The following TNC variants were observed in gnomAD, a reference collection of about 807,000 sequenced individuals.
TNC encodes tenascin.
In TNC, 109 loss-of-function variants were observed where a neutral mutation model predicts 202.4. That is an observed-to-expected ratio of 0.54 (90% CI 0.46 to 0.63). The LOEUF (loss-of-function observed/expected upper bound fraction) is 0.63, where lower values mean the gene tolerates loss of function less well. Among genes scored for constraint, TNC ranks in the 30% least tolerant of loss-of-function variants. The probability of loss-of-function intolerance (pLI) is 0.00; values close to 1 mark genes in which losing one functional copy is unlikely to be tolerated. For missense variants in TNC, 2,756 were observed against 2,833.3 expected, an observed-to-expected ratio of 0.97 and a Z score of 0.62; for synonymous variants, 1,007 against 1,089.7, an observed-to-expected ratio of 0.92 and a Z score of 1.50.
Position 115,063,044 on chromosome 9 carries a change from G to A in TNC, c.3906C>T (p.Leu1302=). ...TGGAACGCAGGCTGCCAGGAACCGT[G>A]AGATTGTGAGCCTCTTCCACCTGGT... The part of the protein sequence containing the change: ...EADQVEEAHN[L]TVPGSLRSME... The change falls in exon 13 of 28, where the codon CTC becomes CTT. Residue 1302 remains leucine (L), a synonymous_variant. Transcript: ENST00000350763. The A allele has an allele frequency of 6.2e-7, 1 of 1,614,150 alleles. No homozygotes were observed. Among genetic ancestry groups the A allele is most frequent in the Non-Finnish European group, 8.5e-7 (1 of 1,180,038 alleles).
intron 1 of TNC, among the ~76,000 whole-genome samples, chr9:115,108,335 G>A (rs943594923): frequency 1.3e-5 from 2 of 152,184 alleles, no homozygotes; most frequent in Non-Finnish European, 2.9e-5. Context: ...CTGGGCTAAC[G>A]AAAGTTGAAC....
intron 19 of TNC, among the ~76,000 whole-genome samples, chr9:115,039,492 T>C (rs913050416): frequency 3.9e-5 from 6 of 152,240 alleles, no homozygotes; most frequent in African/African-American, 1.4e-4. Context: ...ATCCCTGGCC[T>C]CTTTTAACTG....
chr9:115,105,057 G>A (rs1836509460), intron 1 of TNC, among the ~76,000 whole-genome samples: 3 of 152,110 alleles, frequency 2.0e-5, no homozygotes, highest in African/African-American at 7.2e-5. Context: ...TGCTTGAGTG[G>A]GATTTGCATC....
At chr9:115,072,477 G>A (rs1446013353) in intron 10 of TNC, among the ~76,000 whole-genome samples, 1 of 152,216 alleles carries the variant, frequency 6.6e-6, no homozygotes, top group African/African-American at 2.4e-5. Flanking sequence ...AAGATATTGT[G>A]AGAAAGACTC....
At chr9:115,022,195 C>G (rs534727614) in intron 27 of TNC, among the ~76,000 whole-genome samples, 14 of 152,336 alleles carry the variant, frequency 9.2e-5, no homozygotes, top group African/African-American at 3.4e-4. Flanking sequence ...AATTGTTTGG[C>G]ATTCACTGAC....
rs966810308 is a variant in TNC, at chr9:115,086,825, A to G, written c.906T>C (p.Asp302=). The G allele has an allele frequency of 1.9e-6, 3 of 1,613,808 alleles. No individual in the cohort carries two copies. In the African/African-American group the frequency reaches 4.0e-5, roughly 22 times the overall value. Residue 302 remains aspartate, a synonymous_variant, in exon 3 of 28, where the codon GAT becomes GAC. Coordinates refer to ENST00000350763, the MANE Select transcript of TNC (RefSeq NM_002160.4). ...TGCAGTCTTCGCCCGTGAAACCCTC[A>G]TCACACACGCACTCATTCTCCACGC... ...GRCVENECVC[D]EGFTGEDCSE... is the part of the protein sequence containing the mutation.
Position 115,064,059 on chromosome 9 carries a change from G to A in TNC, c.3497C>T (p.Pro1166Leu), listed in dbSNP as rs140866609. The change falls in exon 12 of 28, where the codon CCC becomes CTC. Residue 1166 changes from proline to leucine, a missense_variant. Transcript: ENST00000350763. ...GGCCACCACGACCTCTCCCAAATTG[G>A]GAGTTTCCCCTGGAGAAGGACAAAG... ...LSAEASTGET[P>L]NLGEVVVAEV... 4.3e-5 allele frequency: 69 copies of A among 1,605,494 alleles called. No homozygotes were observed. The highest frequency in any genetic ancestry group is 5.8e-5 in the Non-Finnish European group (68 of 1,174,524).
intron 10 of TNC, among the ~76,000 whole-genome samples, chr9:115,065,309 T>G (rs527544308): frequency 6.6e-6 from 1 of 152,184 alleles, no homozygotes; most frequent in African/African-American, 2.4e-5. Context: ...GGCAGGAGAA[T>G]CGCTTGAACA....
intron 14 of TNC, 131 bp downstream of exon 14, chr9:115,059,599 G>T: frequency 1.0e-6 from 1 of 955,774 alleles, no homozygotes; most frequent in Non-Finnish European, 1.6e-6. Context: ...AGGTCTCTGA[G>T]CATGCACAGC....
chr9:115,070,272 C>G (rs973940462), intron 10 of TNC, among the ~76,000 whole-genome samples: 1 of 152,184 alleles, frequency 6.6e-6, no homozygotes, highest in Non-Finnish European at 1.5e-5. Context: ...TGGGTCATAT[C>G]TGAGCTGCTG....
intron 6 of TNC, among the ~76,000 whole-genome samples, chr9:115,081,011 A>G (rs1834265011): frequency 6.6e-6 from 1 of 152,158 alleles, no homozygotes; most frequent in Non-Finnish European, 1.5e-5. Flanking sequence ...TGACATCATT[A>G]GTATTGAATG....
In TNC at chr9:115,109,080, C is replaced by G. The variant is rs115357988; in HGVS notation, c.-137+8902G>C. ...CATATGAGCTGTGCATTTCCAAGAA[C>G]AGAAGAGTACCAAGTGTTTCCCAAA... On this transcript the variant is annotated intron_variant, in intron 1 of 27. Coordinates refer to ENST00000350763, the MANE Select transcript of TNC (RefSeq NM_002160.4). Among the ~76,000 whole-genome samples the G allele has an allele frequency of 3.1e-3, 479 of 152,270 alleles. 2 individuals are homozygous for G. The highest frequency in any genetic ancestry group is 0.011 in the African/African-American group (456 of 41,552).
At chr9:115,117,474 G>A (rs1837552753) in intron 1 of TNC, among the ~76,000 whole-genome samples, 1 of 152,144 alleles carries the variant, frequency 6.6e-6, no homozygotes, top group South Asian at 2.1e-4. Context: ...ATATTTTGAG[G>A]ACCAAATGAG....
In TNC at chr9:115,090,804, C is replaced by T; in HGVS notation, c.215G>A (p.Ser72Asn). The T allele has an allele frequency of 6.2e-7, 1 of 1,614,208 alleles. No homozygotes were observed. The highest frequency in any genetic ancestry group is 1.3e-5 in the African/African-American group (1 of 75,060). The change falls in exon 2 of 28, where the codon AGT (serine) becomes AAT (asparagine). Residue 72 changes from serine (S) to asparagine (N), a missense_variant. Coordinates refer to ENST00000350763, the MANE Select transcript of TNC (RefSeq NM_002160.4). ...AGGCGGTGCCAGGTCTTTCTCCCCA[C>T]TGGCTGACTCCAGATCCACCGAACA... is the stretch of plus-strand genomic sequence containing the variant. ...SQCSVDLESA[S>N]GEKDLAPPSE...
At chr9:115,110,833 G>A (rs1836984722) in intron 1 of TNC, among the ~76,000 whole-genome samples, 1 of 151,692 alleles carries the variant, frequency 6.6e-6, no homozygotes, top group African/African-American at 2.4e-5. Flanking sequence ...CTATATACAT[G>A]GGAGGATGTT....
At chr9:115,078,492 G>GA (rs530888529) in intron 6 of TNC, among the ~76,000 whole-genome samples, 30 of 141,276 alleles carry the variant, frequency 2.1e-4, no homozygotes, top group South Asian at 4.6e-4. Flanking sequence ...GATGTCACAT[G>GA]AAAAAAAAAA....
chr9:115,084,500 T>C (rs1165199783), intron 3 of TNC, 28 bp from the exon 4 acceptor site: 5 of 1,607,038 alleles, frequency 3.1e-6, no homozygotes, highest in Non-Finnish European at 4.3e-6. Context: ...GGACATCTGG[T>C]GTCAACAGTG....
chr9:115,064,488 C>T (rs895013159), intron 11 of TNC, among the ~76,000 whole-genome samples, 159 bp downstream of exon 11: 10 of 152,158 alleles, frequency 6.6e-5, no homozygotes, highest in African/African-American at 2.2e-4. Context: ...TAAAAGTTGC[C>T]TTGGGGTTCT....
chr9:115,114,630 G>A (rs1346228241), intron 1 of TNC, among the ~76,000 whole-genome samples: 2 of 152,188 alleles, frequency 1.3e-5, no homozygotes, highest in South Asian at 4.1e-4. Flanking sequence ...CCAGCTGGGG[G>A]CTTCTCCACC....
Sources: allele counts gnomAD v4.1 joint callset (sites outside exome capture counted in the v4.1 genomes callset), GRCh38; gene constraint gnomAD v4.1.1; transcripts MANE v1.5; gene names NCBI Gene and HGNC (gene_info 2026-07-23, HGNC 2026-07-21).